DNAJB8: variants seen among roughly 807,000 people sequenced by gnomAD.
The protein encoded by DNAJB8 is dnaJ homolog subfamily B member 8.
For synonymous variants in DNAJB8, 127 were observed against 127.1 expected (o/e 1.00, Z 0.00); for missense variants, 354 against 318.9 (o/e 1.11, Z -0.84).
chr3:128,463,375 G>C lies in DNAJB8; in HGVS notation c.-130C>G. 1 of 754,122 alleles carries C rather than the reference G, an allele frequency of 1.3e-6. No homozygotes were observed. The highest frequency in any genetic ancestry group is 2.8e-5 in the Admixed American group (1 of 35,400). 46.7% of individuals were successfully genotyped at this position (754,122 alleles called of 1,614,324 possible). On this transcript the variant is annotated 5_prime_UTR_variant, in exon 3 of 3. Transcript: ENST00000319153. ...TTCAGCAGGGGCCTGGCTGGACTCC[G>C]CAAGCTCTAGGCAAGATTCTGCCCA...
In DNAJB8 at chr3:128,463,257, T is replaced by C; in HGVS notation, c.-12A>G. 1 of 1,601,506 alleles carries C rather than the reference T, an allele frequency of 6.2e-7. No individual in the cohort carries two copies. The highest frequency in any genetic ancestry group is 8.5e-7 in the Non-Finnish European group (1 of 1,172,206). On this transcript the variant is annotated 5_prime_UTR_variant, in exon 3 of 3. Transcript: ENST00000319153. ...TAGTAGTTAGCCATGGCCAGGGGTG[T>C]GGGTGAGAGGAGAGGGAACGTGGAG...
At position 128,462,771 on chromosome 3, in the gene DNAJB8, C is replaced by T. The variant is rs2068476186; in HGVS notation, c.475G>A (p.Gly159Ser). The change falls in exon 3 of 3, where the codon GGC becomes AGC. Residue 159 changes from glycine (G) to serine (S), a missense_variant. By Grantham distance (56) the Gly-to-Ser change is moderately conservative. Coordinates refer to ENST00000319153, the MANE Select transcript of DNAJB8 (RefSeq NM_153330.6). ...SSFNMLGCSG[G>S]SHTTFSSTSF... Reference sequence around the variant, plus strand: ...GTGGATGAGAAGGTGGTGTGGCTGCCCCCGCTGCAGCCCAGCATGTTGAAG... The same window carrying T: ...GTGGATGAGAAGGTGGTGTGGCTGCTCCCGCTGCAGCCCAGCATGTTGAAG... 6.2e-7 allele frequency: 1 copy of T among 1,614,118 alleles called. No individual in the cohort carries two copies. The highest frequency in any genetic ancestry group is 1.3e-5 in the African/African-American group (1 of 75,024).
Position 128,462,742 on chromosome 3 carries a change from G to T in DNAJB8, c.504C>A (p.Ser168=), listed in dbSNP as rs780012430. ...GGSHTTFSST[S]FGGSSSGSSG... Reference sequence around the variant, plus strand: ...AGCTGCCAGAACTGGAGCCCCCGAAGGAGGTGGATGAGAAGGTGGTGTGGC... The same window carrying T: ...AGCTGCCAGAACTGGAGCCCCCGAATGAGGTGGATGAGAAGGTGGTGTGGC... Residue 168 remains serine, a synonymous_variant, in exon 3 of 3, where the codon TCC becomes TCA. Coordinates refer to ENST00000319153, the MANE Select transcript of DNAJB8 (RefSeq NM_153330.6). 1 of 1,614,166 alleles carries T rather than the reference G, an allele frequency of 6.2e-7. No individual in the cohort carries two copies. Among genetic ancestry groups the T allele is most frequent in the Non-Finnish European group, 8.5e-7 (1 of 1,180,040 alleles).
At chr3:128,465,511 G>T (rs2068505926) in intron 1 of DNAJB8, 75 bp from the exon 2 acceptor site, 1 of 152,574 alleles carries the variant, frequency 6.6e-6, no homozygotes, top group African/African-American at 2.4e-5. Flanking sequence ...CACTGCTGTT[G>T]ACTGTGTTGC....
In DNAJB8 at chr3:128,463,202, G is replaced by T. The variant is rs768892855; in HGVS notation, c.44C>A (p.Ser15Tyr). 1 of 1,614,044 alleles carries T rather than the reference G, an allele frequency of 6.2e-7. No individual in the cohort carries two copies. Among genetic ancestry groups the T allele is most frequent in the African/African-American group, 1.3e-5 (1 of 74,954 alleles). The change falls in exon 3 of 3, where the codon TCC becomes TAC. Residue 15 changes from serine to tyrosine, a missense_variant. Transcript: ENST00000319153. ...YEVLGVQASA[S>Y]PEDIKKAYRK... Reference sequence around the variant, plus strand: ...GTAGGCTTTCTTGATGTCCTCCGGGGAAGCGCTGGCCTGCACGCCCAGCAC... The same window carrying T: ...GTAGGCTTTCTTGATGTCCTCCGGGTAAGCGCTGGCCTGCACGCCCAGCAC...
rs534541555 is a variant in DNAJB8, at chr3:128,464,361, G to T, written c.-865-251C>A. Among the ~76,000 whole-genome samples, 14 of 152,358 alleles carry T rather than the reference G, an allele frequency of 9.2e-5. No homozygotes were observed. The South Asian group carries it at 2.9e-3, about 32-fold the overall frequency. ...GAGATGGACACTGACGCAGCTGGAA[G>T]CTGGGGGCCAGGAGGGTTCTCCCTG... On this transcript the variant is annotated intron_variant, in intron 2 of 2. Coordinates refer to ENST00000319153, the MANE Select transcript of DNAJB8 (RefSeq NM_153330.6).
chr3:128,464,594 T>A (rs1028325988), intron 2 of DNAJB8, among the ~76,000 whole-genome samples: 2 of 152,232 alleles, frequency 1.3e-5, no homozygotes, highest in African/African-American at 4.8e-5. Flanking sequence ...GGATCATATA[T>A]AGAAACAGCA....
rs1318724248 is a variant in DNAJB8, at chr3:128,462,540, C to G, written c.*7G>C. The G allele has an allele frequency of 6.3e-7, 1 of 1,590,750 alleles. No homozygotes were observed. Among genetic ancestry groups the G allele is most frequent in the Non-Finnish European group, 8.6e-7 (1 of 1,165,290 alleles). On this transcript the variant is annotated 3_prime_UTR_variant, in exon 3 of 3. Transcript: ENST00000319153. ...GTGGTGGGAAGGCAGGGCCGGGTGG[C>G]CAGCGCCTACTTGCTGTCCATCCAT... is the stretch of plus-strand genomic sequence containing the variant.
rs1045184794 is a variant in DNAJB8, at chr3:128,463,211, G to T, written c.35C>A (p.Ala12Asp). ...CTTGATGTCCTCCGGGGAAGCGCTG[G>T]CCTGCACGCCCAGCACTTCGTAGTA... Reference protein sequence around the residue: ...ANYYEVLGVQASASPEDIKKA... With the variant: ...ANYYEVLGVQDSASPEDIKKA... The change falls in exon 3 of 3, where the codon GCC becomes GAC. Residue 12 changes from alanine (A) to aspartate (D), a missense_variant. Physicochemically the swap from Ala to Asp is moderately radical, Grantham distance 126. Transcript: ENST00000319153. 1.9e-6 allele frequency: 3 copies of T among 1,613,892 alleles called. No homozygotes were observed. The highest frequency in any genetic ancestry group is 2.7e-5 in the African/African-American group (2 of 74,934).
chr3:128,464,509 A>G (rs1422170685), intron 2 of DNAJB8, among the ~76,000 whole-genome samples: 1 of 152,238 alleles, frequency 6.6e-6, no homozygotes, highest in Non-Finnish European at 1.5e-5. Context: ...TAACAGCCCT[A>G]GAAAACGAAT....
At chr3:128,466,189 T>C (rs2068511303) in intron 1 of DNAJB8, 1 of 152,258 alleles carries the variant, frequency 6.6e-6, no homozygotes, top group Admixed American at 6.5e-5. Flanking sequence ...CTGCATCCCA[T>C]GGTCAAGGCC....
In DNAJB8 at chr3:128,463,261, T is replaced by C. The variant is rs756443775; in HGVS notation, c.-16A>G. ...AGTTAGCCATGGCCAGGGGTGTGGG[T>C]GAGAGGAGAGGGAACGTGGAGGCCA... On this transcript the variant is annotated 5_prime_UTR_variant, in exon 3 of 3. Coordinates refer to ENST00000319153, the MANE Select transcript of DNAJB8 (RefSeq NM_153330.6). 1.3e-6 allele frequency: 2 copies of C among 1,596,114 alleles called. No individual in the cohort carries two copies. Among genetic ancestry groups the C allele is most frequent in the South Asian group, 1.1e-5 (1 of 88,732 alleles).
rs2068476530 is a variant in DNAJB8, at chr3:128,462,783, C to T, written c.463G>A (p.Gly155Ser). Residue 155 changes from glycine to serine, a missense_variant, in exon 3 of 3, where the codon GGC (glycine) becomes AGC (serine). Gly to Ser is a moderately conservative substitution (Grantham distance 56, BLOSUM62 0). Transcript: ENST00000319153. ...MEAFSSFNML[G>S]CSGGSHTTFS... The stretch of plus-strand genomic sequence containing the variant: ...GTGGTGTGGCTGCCCCCGCTGCAGC[C>T]CAGCATGTTGAAGGATGAGAAGGCC... 3 of 1,614,078 alleles carry T rather than the reference C, an allele frequency of 1.9e-6. No individual in the cohort carries two copies. The East Asian group carries it at 6.7e-5, about 36-fold the overall frequency.
Position 128,463,515 on chromosome 3 carries a change from T to A in DNAJB8, c.-270A>T, listed in dbSNP as rs2068486725. 2.9e-6 allele frequency: 1 copy of A among 344,462 alleles called. No homozygotes were observed. Among genetic ancestry groups the A allele is most frequent in the Non-Finnish European group, 5.5e-6 (1 of 181,092 alleles). 21.3% of individuals were successfully genotyped at this position (344,462 alleles called of 1,614,324 possible). On this transcript the variant is annotated 5_prime_UTR_variant, in exon 3 of 3. Coordinates refer to ENST00000319153, the MANE Select transcript of DNAJB8 (RefSeq NM_153330.6). Reference sequence around the variant, plus strand: ...GGGGCCAGGCCAGAGTGGGCTGCCCTCCAGAGCTCCTTTTATGACGTCAGC... The same window carrying A: ...GGGGCCAGGCCAGAGTGGGCTGCCCACCAGAGCTCCTTTTATGACGTCAGC...
chr3:128,463,461 TG>T lies in DNAJB8; in HGVS notation c.-217del. On this transcript the variant is annotated 5_prime_UTR_variant, in exon 3 of 3. An upstream open reading frame in the 5' UTR gains an earlier in-frame stop. Coordinates refer to ENST00000319153, the MANE Select transcript of DNAJB8 (RefSeq NM_153330.6). ...CTGGAGGGGCCCCCACTGAGAGGAGTGGGGGGAGGGGAGGGACACTGCCGCT... is the reference window on the plus strand; with the variant it reads ...CTGGAGGGGCCCCCACTGAGAGGAGTGGGGGAGGGGAGGGACACTGCCGCT... 6.4e-6 allele frequency: 3 copies of T among 466,592 alleles called. No individual in the cohort carries two copies. Among genetic ancestry groups the T allele is most frequent in the South Asian group, 4.2e-5 (1 of 23,850 alleles). The allele number at this position is 466,592 out of a possible 1,614,324, so 28.9% of individuals were successfully genotyped here. A position where few individuals can be genotyped will look rare whatever the true frequency, so the allele number is the denominator to read the frequency against.
intron 2 of DNAJB8, among the ~76,000 whole-genome samples, chr3:128,464,600 C>T (rs1203611381): frequency 4.6e-5 from 7 of 152,150 alleles, no homozygotes; most frequent in Non-Finnish European, 1.0e-4. Flanking sequence ...TATATAGAAA[C>T]AGCAATTCAC....
chr3:128,466,689 C>T lies in DNAJB8; in HGVS notation c.-1102G>A, dbSNP rs12634139. 103,794 of 152,120 alleles carry T rather than the reference C, an allele frequency of 0.68. 37,792 individuals are homozygous for T. Among genetic ancestry groups the T allele is most frequent in the Non-Finnish European group, 0.81 (55,044 of 68,016 alleles). 9.4% of individuals were successfully genotyped at this position (152,120 alleles called of 1,614,324 possible). ...ATCCCATCACCGGTATAATTCCAGACTAGAGCCTGCCAATACAAGGGATTT... is the reference window on the plus strand; with the variant it reads ...ATCCCATCACCGGTATAATTCCAGATTAGAGCCTGCCAATACAAGGGATTT... On this transcript the variant is annotated 5_prime_UTR_variant, in exon 1 of 3. An upstream open reading frame in the 5' UTR loses its in-frame stop. Transcript: ENST00000319153.
Position 128,463,047 on chromosome 3 carries a change from G to T in DNAJB8, c.199C>A (p.Arg67Ser). Residue 67 changes from arginine to serine, a missense_variant, in exon 3 of 3, where the codon CGT becomes AGT. Physicochemically the swap from Arg to Ser is moderately radical, Grantham distance 110. Transcript: ENST00000319153. ...SDSKKRSLYDRAGCDSWRAGG... is the reference protein window; with the variant it reads ...SDSKKRSLYDSAGCDSWRAGG... ...GCCCGCCAGCTGTCACAGCCAGCACGGTCATACAGGGAGCGTTTCTTGGAG... is the reference window on the plus strand; with the variant it reads ...GCCCGCCAGCTGTCACAGCCAGCACTGTCATACAGGGAGCGTTTCTTGGAG... 6.2e-7 allele frequency: 1 copy of T among 1,614,164 alleles called. No individual in the cohort carries two copies. The highest frequency in any genetic ancestry group is 1.1e-5 in the South Asian group (1 of 91,082).
At position 128,462,687 on chromosome 3, in the gene DNAJB8, C is replaced by G; in HGVS notation, c.559G>C (p.Glu187Gln). 1 of 1,614,020 alleles carries G rather than the reference C, an allele frequency of 6.2e-7. No homozygotes were observed. Residue 187 changes from glutamate (E) to glutamine (Q), a missense_variant, in exon 3 of 3, where the codon GAG (glutamate) becomes CAG (glutamine). Physicochemically the swap from Glu to Gln is conservative, Grantham distance 29. Transcript: ENST00000319153. ...SGFKSVMSSTEMINGHKVTTK... is the reference protein window; with the variant it reads ...SGFKSVMSSTQMINGHKVTTK... The stretch of plus-strand genomic sequence containing the variant: ...GTGACCTTGTGGCCATTGATCATCT[C>G]GGTGGACGACATCACCGACTTGAAC...
Sources: allele counts gnomAD v4.1 joint callset (sites outside exome capture counted in the v4.1 genomes callset), GRCh38; gene constraint gnomAD v4.1.1; transcripts MANE v1.5; gene names NCBI Gene and HGNC (gene_info 2026-07-23, HGNC 2026-07-21).